The following LGALS9 variants were observed in gnomAD, a reference collection of about 807,000 sequenced individuals.
The protein encoded by LGALS9 is galectin-9.
A neutral mutation model predicts 35.9 loss-of-function variants in LGALS9; 26 were observed. The ratio of observed to expected loss-of-function variants is 0.72; its 90% CI spans 0.53 to 1.01. The LOEUF is 1.01. Ranked by LOEUF, LGALS9 falls within the 50% of genes least tolerant of loss-of-function variation. The pLI, the probability that LGALS9 is intolerant of heterozygous loss-of-function variation, is 0.00. For synonymous variants in LGALS9, 149 were observed against 172.2 expected (o/e 0.87, Z 1.06); for missense variants, 347 against 445.8 (o/e 0.78, Z 1.99).
Position 27,642,233 on chromosome 17 carries a change from G to A in LGALS9, c.334-5G>A, listed in dbSNP as rs1231651094. 28 of 1,608,064 alleles carry A rather than the reference G, an allele frequency of 1.7e-5. 4 individuals carry two copies. Among genetic ancestry groups the A allele is most frequent in the Non-Finnish European group, 2.4e-5 (28 of 1,176,764 alleles). ...TCCCCCAGAACATGTGCTCTCCTCT[G>A]GCAGGTGATGGTGAACGGGATCCTC... On this transcript the variant is annotated splice_polypyrimidine_tract_variant and splice_region_variant and intron_variant, in intron 3 of 10. Transcript: ENST00000395473.
intron 3 of LGALS9, chr17:27,640,980 C>G: frequency 1.2e-6 from 1 of 824,078 alleles, no homozygotes; most frequent in East Asian, 2.7e-5. Context: ...CCTGCTGCTT[C>G]TTTTACTCTG....
At position 27,643,618 on chromosome 17, in the gene LGALS9, A is replaced by C. The variant is rs750442128; in HGVS notation, c.538A>C (p.Lys180Gln). ...FPPRPRGRRQ[K>Q]PPGVWPANPA... ...ACCCAGGCCCAGGGGGCGCAGACAA[A>C]AAGTGAGTTCAACACAGAGGCCCTG... The change falls in exon 5 of 11, where the codon AAA becomes CAA. Residue 180 changes from lysine to glutamine, a missense_variant and splice_region_variant. Coordinates refer to ENST00000395473, the MANE Select transcript of LGALS9 (RefSeq NM_009587.3). 1 of 1,610,850 alleles carries C rather than the reference A, an allele frequency of 6.2e-7. No homozygotes were observed.
chr17:27,631,327 CAG>C (rs1847273386), intron 1 of LGALS9, 23 bp downstream of exon 1: 5 of 1,614,128 alleles, frequency 3.1e-6, no homozygotes, highest in Non-Finnish European at 4.2e-6. Flanking sequence ...GCTATGGGCA[CAG>C]GGCTGCCTCA....
chr17:27,641,327 G>A (rs1483895585), intron 3 of LGALS9, among the ~76,000 whole-genome samples: 2 of 152,074 alleles, frequency 1.3e-5, no homozygotes, highest in African/African-American at 2.4e-5. Context: ...AGCATTTTAT[G>A]CATATATAAA....
Position 27,640,462 on chromosome 17 carries a change from G to A in LGALS9, c.132-110G>A, listed in dbSNP as rs937771749. 15 of 1,480,814 alleles carry A rather than the reference G, an allele frequency of 1.0e-5. No homozygotes were observed. In the African/African-American group the frequency reaches 1.8e-4, roughly 18 times the overall value. The allele number at this position is 1,480,814 out of a possible 1,614,324, so 91.7% of individuals were successfully genotyped here. On this transcript the variant is annotated intron_variant, in intron 2 of 10. Transcript: ENST00000395473. ...CAACAAAGCAGTCTCTGCCATACAG[G>A]TTGTGTGCAAGATCCAGACAAATGC...
chr17:27,642,695 C>T (rs532286388), intron 4 of LGALS9, among the ~76,000 whole-genome samples: 1 of 152,152 alleles, frequency 6.6e-6, no homozygotes, highest in Non-Finnish European at 1.5e-5. Context: ...CCAGCTCTGC[C>T]ATTCATCATC....
intron 1 of LGALS9, among the ~76,000 whole-genome samples, chr17:27,637,320 A>G (rs1267306205): frequency 6.6e-6 from 1 of 152,222 alleles, no homozygotes; most frequent in East Asian, 1.9e-4. Context: ...AATCATATGC[A>G]GCAGGTGAAA....
chr17:27,642,198 C>G lies in LGALS9; in HGVS notation c.334-40C>G, dbSNP rs4600508. On this transcript the variant is annotated intron_variant, in intron 3 of 10. Transcript: ENST00000395473. ...GCTCAGGGGTGGTCCCCATCCCAGC[C>G]TGGGATGCCTCCCCCAGAACATGTG... is the stretch of plus-strand genomic sequence containing the variant. The G allele has an allele frequency of 2.6e-6, 4 of 1,562,130 alleles. No individual in the cohort carries two copies. The African/African-American group carries it at 5.4e-5, about 21-fold the overall frequency.
chr17:27,640,567 C>T lies in LGALS9; in HGVS notation c.132-5C>T. 6.2e-7 allele frequency: 1 copy of T among 1,614,022 alleles called. No individual in the cohort carries two copies. The highest frequency in any genetic ancestry group is 8.5e-7 in the Non-Finnish European group (1 of 1,179,892). On this transcript the variant is annotated splice_region_variant and splice_polypyrimidine_tract_variant and intron_variant, in intron 2 of 10. Transcript: ENST00000395473. ...CAGAAGACTATTTGCTTTCCCTGGG[C>T]CTAGGTTTGCTGTGAACTTTCAGAC... is the stretch of plus-strand genomic sequence containing the variant.
intron 4 of LGALS9, 148 bp downstream of exon 4, chr17:27,642,496 C>G: frequency 8.7e-7 from 1 of 1,152,440 alleles, no homozygotes. Flanking sequence ...AGTACCTGCC[C>G]GCCCCTTCTC....
chr17:27,644,936 C>G lies in LGALS9; in HGVS notation c.541-378C>G, dbSNP rs145998902. 651 of 210,650 alleles carry G rather than the reference C, an allele frequency of 3.1e-3. 4 individuals carry two copies. Among genetic ancestry groups the G allele is most frequent in the Admixed American group, 0.026 (448 of 17,318 alleles). The allele number at this position is 210,650 out of a possible 1,614,324, so 13.0% of individuals were successfully genotyped here. On this transcript the variant is annotated intron_variant, in intron 5 of 10. Transcript: ENST00000395473. The stretch of plus-strand genomic sequence containing the variant: ...AGGCTGCTTCCCTTGTTGGAAAGCA[C>G]TGAAGCCCAGGAATCGACCCACAAT...
At chr17:27,639,937 C>G (rs532986467) in intron 2 of LGALS9, among the ~76,000 whole-genome samples, 1 of 152,286 alleles carries the variant, frequency 6.6e-6, no homozygotes, top group South Asian at 2.1e-4. Flanking sequence ...GGGGTTTTAC[C>G]ATGTTGGCCA....
rs766865902 is a variant in LGALS9 at position 27,645,879 on chromosome 17, A to T, written c.595A>T (p.Thr199Ser). 53 of 1,604,816 alleles carry T rather than the reference A, an allele frequency of 3.3e-5. No individual in the cohort carries two copies. In the African/African-American group the frequency reaches 6.0e-4, roughly 18 times the overall value. The change falls in exon 7 of 11, where the codon ACA (threonine) becomes TCA (serine). Residue 199 changes from threonine to serine, a missense_variant. Thr to Ser is a moderately conservative substitution (Grantham distance 58). Coordinates refer to ENST00000395473, the MANE Select transcript of LGALS9 (RefSeq NM_009587.3). ...CTTCCAGACCCAGACAGTCATCCAC[A>T]CAGTGCAGAGCGCCCCTGGACAGAT... ...PAPITQTVIH[T>S]VQSAPGQMFS...
rs1288858895 is a variant in LGALS9, at chr17:27,642,357, G to A, written c.444+9G>A. On this transcript the variant is annotated intron_variant, in intron 4 of 10. Transcript: ENST00000395473. ...CCTACATCAGCTTCCAGGTCAGACTGTCCACCTGGCACCGGTCCCAGGGGC... is the reference window on the plus strand; with the variant it reads ...CCTACATCAGCTTCCAGGTCAGACTATCCACCTGGCACCGGTCCCAGGGGC... 1 of 1,611,846 alleles carries A rather than the reference G, an allele frequency of 6.2e-7. No individual in the cohort carries two copies. The highest frequency in any genetic ancestry group is 1.7e-5 in the Admixed American group (1 of 60,000).
chr17:27,649,014 G>T lies in LGALS9; in HGVS notation c.*32G>T. Reference sequence around the variant, plus strand: ...TCCTGGCCCTGGGGCCGGGGGCTGGGGTGTGGGGCAGTCTGGGTCCTCTCA... The same window carrying T: ...TCCTGGCCCTGGGGCCGGGGGCTGGTGTGTGGGGCAGTCTGGGTCCTCTCA... On this transcript the variant is annotated 3_prime_UTR_variant, in exon 11 of 11. Transcript: ENST00000395473. 6.2e-7 allele frequency: 1 copy of T among 1,613,624 alleles called. No homozygotes were observed. Among genetic ancestry groups the T allele is most frequent in the Non-Finnish European group, 8.5e-7 (1 of 1,179,710 alleles).
At chr17:27,646,872 C>T (rs1363136439) in intron 8 of LGALS9, among the ~76,000 whole-genome samples, 158 bp from the exon 9 acceptor site, 2 of 152,146 alleles carry the variant, frequency 1.3e-5, no homozygotes, top group Non-Finnish European at 2.9e-5. Context: ...TAATCTAAGC[C>T]CATTAATTTG....
At chr17:27,647,992 C>T (rs539535402) in intron 10 of LGALS9, among the ~76,000 whole-genome samples, 7 of 152,362 alleles carry the variant, frequency 4.6e-5, no homozygotes, top group Admixed American at 4.6e-4. Context: ...TGTGGCCTGT[C>T]CAGGAACAGC....
chr17:27,641,490 A>G (rs1185043906), intron 3 of LGALS9, among the ~76,000 whole-genome samples: 2 of 152,174 alleles, frequency 1.3e-5, no homozygotes, highest in East Asian at 1.9e-4. Flanking sequence ...ATGAGAACAC[A>G]TGGACAAAAT....
chr17:27,639,161 G>A (rs1489989704), intron 2 of LGALS9, among the ~76,000 whole-genome samples: 1 of 152,122 alleles, frequency 6.6e-6, no homozygotes, highest in East Asian at 1.9e-4. Context: ...CTAAACCTCA[G>A]CTTGGACACC....
Sources: gnomAD v4.1 joint callset for allele counts (sites outside exome capture counted in the v4.1 genomes callset) on GRCh38, gnomAD v4.1.1 for gene constraint, MANE v1.5 for transcripts, NCBI Gene and HGNC (gene_info 2026-07-23, HGNC 2026-07-21) for gene names.